The following CCND2 variants were observed in gnomAD, a reference collection of about 807,000 sequenced individuals.
CCND2 encodes cyclin D2.
In CCND2, 6 loss-of-function variants were observed where a neutral mutation model predicts 30.2. That is an observed-to-expected ratio of 0.20 (90% CI 0.11 to 0.39). The LOEUF (loss-of-function observed/expected upper bound fraction) is 0.39. Among genes scored for constraint, CCND2 ranks in the 10% least tolerant of loss-of-function variants. CCND2 has a pLI of 1.00. For missense variants in CCND2, 235 were observed against 373.4 expected (o/e 0.63, Z 3.06); for synonymous variants, 150 against 153.1 (o/e 0.98, Z 0.15).
chr12:4,295,666 A>C (rs1359209711), intron 4 of CCND2, among the ~76,000 whole-genome samples: 1 of 152,186 alleles, frequency 6.6e-6, no homozygotes, highest in African/African-American at 2.4e-5. Context: ...AATCCCAGCT[A>C]CTTGGGATGC....
rs1864258223 is a variant in CCND2, at chr12:4,302,094, A to G, written c.*2085A>G. ...CCGTACAGTTTCTGCTTGGGAGCCCATTCGCATGAGGAATACAGAAGCAGT... is the reference window on the plus strand; with the variant it reads ...CCGTACAGTTTCTGCTTGGGAGCCCGTTCGCATGAGGAATACAGAAGCAGT... On this transcript the variant is annotated 3_prime_UTR_variant, in exon 5 of 5. Transcript: ENST00000261254. The G allele has an allele frequency of 4.3e-6, 1 of 233,050 alleles. No individual in the cohort carries two copies. The highest frequency in any genetic ancestry group is 8.5e-6 in the Non-Finnish European group (1 of 117,832). The allele number at this position is 233,050 out of a possible 1,614,324, so 14.4% of individuals were successfully genotyped here.
chr12:4,279,366 A>G (rs3217812), intron 3 of CCND2, among the ~76,000 whole-genome samples: 4,558 of 151,844 alleles, frequency 0.03, 176 homozygotes, highest in East Asian at 0.19. Flanking sequence ...GCCTGCCTTG[A>G]TTAGTGGTAA....
intron 3 of CCND2, among the ~76,000 whole-genome samples, chr12:4,279,913 G>C (rs1198657916): frequency 6.6e-6 from 1 of 151,376 alleles, no homozygotes; most frequent in African/African-American, 2.4e-5. Context: ...GACTCACGTG[G>C]TAACTTTTTT....
chr12:4,285,313 C>G lies in CCND2; in HGVS notation c.572-3529C>G. ...AGGAAGTCACCAGCATCTCACCTCT[C>G]CAGGTGGGCAATTAACGATGGCGAG... On this transcript the variant is annotated intron_variant, in intron 3 of 4. Coordinates refer to ENST00000261254, the MANE Select transcript of CCND2 (RefSeq NM_001759.4). The surrounding 1 kb of genome is among the most constrained non-coding windows in gnomAD (Gnocchi z 4.1). The G allele has an allele frequency of 1.0e-6, 1 of 985,416 alleles. No homozygotes were observed. Among genetic ancestry groups the G allele is most frequent in the Non-Finnish European group, 1.2e-6 (1 of 829,934 alleles). 61.0% of individuals were successfully genotyped at this position (985,416 alleles called of 1,614,324 possible).
At chr12:4,288,253 T>G (rs1358913930) in intron 3 of CCND2, among the ~76,000 whole-genome samples, 24 of 117,490 alleles carry the variant, frequency 2.0e-4, no homozygotes, top group East Asian at 6.8e-4. Flanking sequence ...TTTTTTTTTT[T>G]GGGTGGGGGT....
intron 3 of CCND2, among the ~76,000 whole-genome samples, chr12:4,281,513 A>C (rs898311799): frequency 1.3e-5 from 2 of 151,820 alleles, no homozygotes; most frequent in Admixed American, 1.3e-4. Context: ...TGTTGCCCTC[A>C]CCTGCTCCTC....
At position 4,288,827 on chromosome 12, in the gene CCND2, T is replaced by C. The variant is rs1864058311; in HGVS notation, c.572-15T>C. On this transcript the variant is annotated splice_polypyrimidine_tract_variant and intron_variant, in intron 3 of 4. Transcript: ENST00000261254. ...TCGTTCTGTGCCCTGACCTTCTGCC[T>C]CTCATTCCTTGCAGACTTTAAGTTT... 1 of 1,604,540 alleles carries C rather than the reference T, an allele frequency of 6.2e-7. No individual in the cohort carries two copies. The highest frequency in any genetic ancestry group is 8.5e-7 in the Non-Finnish European group (1 of 1,174,806).
At position 4,284,733 on chromosome 12, in the gene CCND2, C is replaced by A. The variant is rs200794235; in HGVS notation, c.572-4109C>A. On this transcript the variant is annotated intron_variant, in intron 3 of 4. Coordinates refer to ENST00000261254, the MANE Select transcript of CCND2 (RefSeq NM_001759.4). Reference sequence around the variant, plus strand: ...AAGAGCCTCCTTTCTTTTTTTTTTTCTTTTCTTTTTCTTTTTTTTTTTTGA... The same window carrying A: ...AAGAGCCTCCTTTCTTTTTTTTTTTATTTTCTTTTTCTTTTTTTTTTTTGA... Among the ~76,000 whole-genome samples, 928 of 134,954 alleles carry A rather than the reference C, an allele frequency of 6.9e-3. 3 individuals carry two copies. The highest frequency in any genetic ancestry group is 9.2e-3 in the Non-Finnish European group (591 of 64,160). The allele number at this position is 134,954 out of a possible 152,430, so 88.5% of individuals were successfully genotyped here. A position where few individuals can be genotyped will look rare whatever the true frequency, so the allele number is the denominator to read the frequency against.
chr12:4,285,296 A>T lies in CCND2; in HGVS notation c.572-3546A>T. 3 of 985,442 alleles carry T rather than the reference A, an allele frequency of 3.0e-6. No individual in the cohort carries two copies. The highest frequency in any genetic ancestry group is 3.6e-6 in the Non-Finnish European group (3 of 829,946). The allele number at this position is 985,442 out of a possible 1,614,324, so 61.0% of individuals were successfully genotyped here. On this transcript the variant is annotated intron_variant, in intron 3 of 4. Transcript: ENST00000261254. The surrounding 1 kb of genome is among the most constrained non-coding windows in gnomAD (Gnocchi z 4.1). ...GCAGGAGGAAGGATCTCAGGAAGTC[A>T]CCAGCATCTCACCTCTCCAGGTGGG...
rs1437265007 is a variant in CCND2 at position 4,303,147 on chromosome 12, A to G, written c.*3138A>G. The G allele has an allele frequency of 4.3e-6, 1 of 233,244 alleles. No individual in the cohort carries two copies. Among genetic ancestry groups the G allele is most frequent in the Non-Finnish European group, 8.5e-6 (1 of 118,084 alleles). The allele number at this position is 233,244 out of a possible 1,614,324, so 14.4% of individuals were successfully genotyped here. The stretch of plus-strand genomic sequence containing the variant: ...CACAAGCCTACCCGACTCTATTTAC[A>G]GTCTGTAACTTTCCACTCTTCCTGT... On this transcript the variant is annotated 3_prime_UTR_variant, in exon 5 of 5. Coordinates refer to ENST00000261254, the MANE Select transcript of CCND2 (RefSeq NM_001759.4). This position sits in a 1 kb window ranked among gnomAD's most constrained non-coding sequence, Gnocchi z 4.6.
At chr12:4,297,570 CAAAAAAAAAA>C (rs71061177) in intron 4 of CCND2, among the ~76,000 whole-genome samples, 13 of 74,752 alleles carry the variant, frequency 1.7e-4, no homozygotes, top group South Asian at 5.3e-4. Flanking sequence ...CACTCTGTCT[CAAAAAAAAAA>C]AAAAAAAAAA....
At chr12:4,283,629 A>G (rs1421039497) in intron 3 of CCND2, among the ~76,000 whole-genome samples, 1 of 152,238 alleles carries the variant, frequency 6.6e-6, no homozygotes, top group South Asian at 2.1e-4. Context: ...CGCCGTCATA[A>G]GCAAGCATGC....
In CCND2 at chr12:4,303,105, G is replaced by A. The variant is rs374274472; in HGVS notation, c.*3096G>A. On this transcript the variant is annotated 3_prime_UTR_variant, in exon 5 of 5. Coordinates refer to ENST00000261254, the MANE Select transcript of CCND2 (RefSeq NM_001759.4). The surrounding 1 kb of genome is among the most constrained non-coding windows in gnomAD (Gnocchi z 4.6). ...AACAGAAGCAGCAAATGAAAGAACC[G>A]GACAAATAAGGAAGGGCACAAGCCT... The A allele has an allele frequency of 1.1e-4, 26 of 233,148 alleles. No individual in the cohort carries two copies. The highest frequency in any genetic ancestry group is 5.1e-4 in the African/African-American group (23 of 45,400). The allele number at this position is 233,148 out of a possible 1,614,324, so 14.4% of individuals were successfully genotyped here.
At chr12:4,278,739 T>C (rs1863906914) in intron 2 of CCND2, 21 bp from the exon 3 acceptor site, 2 of 1,612,738 alleles carry the variant, frequency 1.2e-6, no homozygotes, top group South Asian at 2.2e-5. Context: ...TCTCCTCTTC[T>C]CTTCCTGCCT....
rs1863819956 is a variant in CCND2, at chr12:4,273,867, C to T, written c.-174C>T. On this transcript the variant is annotated 5_prime_UTR_variant, in exon 1 of 5. Transcript: ENST00000261254. This position sits in a 1 kb window ranked among gnomAD's most constrained non-coding sequence, Gnocchi z 5.9. ...TGCTCGCCCACCACCCAATCCTCGC[C>T]TCCCTTCTGCTCCACCTTCTCTCTC... The T allele has an allele frequency of 7.6e-6, 5 of 654,664 alleles. No individual in the cohort carries two copies. The highest frequency in any genetic ancestry group is 1.0e-5 in the Non-Finnish European group (4 of 385,960). 40.6% of individuals were successfully genotyped at this position (654,664 alleles called of 1,614,324 possible).
At chr12:4,288,807 C>T in intron 3 of CCND2, 35 bp from the exon 4 acceptor site, 1 of 1,585,432 alleles carries the variant, frequency 6.3e-7, no homozygotes, top group South Asian at 1.1e-5. Context: ...CAAATTCGTT[C>T]TGTGCCCTGA....
Position 4,285,002 on chromosome 12 carries a change from C to T in CCND2, c.572-3840C>T, listed in dbSNP as rs1370095296. The stretch of plus-strand genomic sequence containing the variant: ...CTGCCCACCTCGGCCTCCCAAAGTG[C>T]TAGGATTACACTGTGAGCCACTGCG... On this transcript the variant is annotated intron_variant, in intron 3 of 4. Transcript: ENST00000261254. The surrounding 1 kb of genome is among the most constrained non-coding windows in gnomAD (Gnocchi z 4.1). Among the ~76,000 whole-genome samples the T allele has an allele frequency of 2.6e-5, 4 of 152,124 alleles. No homozygotes were observed. The highest frequency in any genetic ancestry group is 5.9e-5 in the Non-Finnish European group (4 of 68,022).
Position 4,300,235 on chromosome 12 carries a change from T to C in CCND2, c.*226T>C, listed in dbSNP as rs1320983950. On this transcript the variant is annotated 3_prime_UTR_variant, in exon 5 of 5. Transcript: ENST00000261254. ...TGAAGTACAGCATAAGGGAATCCCT[T>C]GTATATGCGAACAGTTATTGTTTGA... is the stretch of plus-strand genomic sequence containing the variant. 33 of 468,788 alleles carry C rather than the reference T, an allele frequency of 7.0e-5. No homozygotes were observed. The highest frequency in any genetic ancestry group is 1.1e-4 in the Non-Finnish European group (28 of 262,690). 29.0% of individuals were successfully genotyped at this position (468,788 alleles called of 1,614,324 possible).
Position 4,285,375 on chromosome 12 carries a change from G to C in CCND2, c.572-3467G>C, listed in dbSNP as rs1414107938. 3 of 985,250 alleles carry C rather than the reference G, an allele frequency of 3.0e-6. No individual in the cohort carries two copies. The highest frequency in any genetic ancestry group is 3.6e-6 in the Non-Finnish European group (3 of 829,890). 61.0% of individuals were successfully genotyped at this position (985,250 alleles called of 1,614,324 possible). On this transcript the variant is annotated intron_variant, in intron 3 of 4. Transcript: ENST00000261254. The surrounding 1 kb of genome is among the most constrained non-coding windows in gnomAD (Gnocchi z 4.1). ...ACCCCTGAGCGTGCCTTCTGCACCA[G>C]CATATTGCTTGTTGGCATTTTTGAT...
Sources: gnomAD v4.1 joint callset for allele counts (sites outside exome capture counted in the v4.1 genomes callset) on GRCh38, gnomAD v4.1.1 for gene constraint, Gnocchi (gnomAD v3.1) non-coding constraint, MANE v1.5 for transcripts, NCBI Gene and HGNC (gene_info 2026-07-23, HGNC 2026-07-21) for gene names.